SLC19A2: variants seen among roughly 807,000 people sequenced by gnomAD.
SLC19A2 encodes the protein thiamine transporter 1.
A neutral mutation model predicts 44.7 loss-of-function variants in SLC19A2; 27 were observed. The observed-to-expected ratio is 0.60, with a 90% confidence interval of 0.45 to 0.83. SLC19A2 has a LOEUF of 0.83. SLC19A2 is among the 40% of genes least tolerant of loss of function. The pLI is 0.00. For synonymous variants in SLC19A2, 239 were observed against 243.6 expected (o/e 0.98, Z 0.18); for missense variants, 566 against 613.7 (o/e 0.92, Z 0.82).
intron 2 of SLC19A2, among the ~76,000 whole-genome samples, chr1:169,471,705 TAC>T (rs1259926861): frequency 0.13 from 18,603 of 143,916 alleles, 1,310 homozygotes; most frequent in African/African-American, 0.17. Flanking sequence ...TGTGTATATA[TAC>T]ACACACACCA....
At chr1:169,474,819 G>A (rs1481052845) in intron 2 of SLC19A2, among the ~76,000 whole-genome samples, 2 of 152,054 alleles carry the variant, frequency 1.3e-5, no homozygotes, top group Non-Finnish European at 2.9e-5. Context: ...AAGCAGCACT[G>A]CCCATCTGCT....
chr1:169,473,391 C>G (rs1038562053), intron 2 of SLC19A2, among the ~76,000 whole-genome samples: 1 of 149,026 alleles, frequency 6.7e-6, no homozygotes, highest in Admixed American at 6.8e-5. Context: ...TGCACCACCA[C>G]GCCCAGCTAG....
At chr1:169,473,294 G>T (rs574430305) in intron 2 of SLC19A2, among the ~76,000 whole-genome samples, 2 of 151,924 alleles carry the variant, frequency 1.3e-5, no homozygotes, top group Non-Finnish European at 2.9e-5. Context: ...GAGTACAGTG[G>T]CACTATCTCA....
intron 2 of SLC19A2, among the ~76,000 whole-genome samples, chr1:169,470,406 T>C (rs1658142786): frequency 6.6e-6 from 1 of 152,212 alleles, no homozygotes; most frequent in Non-Finnish European, 1.5e-5. Flanking sequence ...CAGCTGTATG[T>C]AATCAACCCA....
intron 2 of SLC19A2, among the ~76,000 whole-genome samples, chr1:169,473,197 G>A (rs1012424718): frequency 1.3e-5 from 2 of 151,998 alleles, no homozygotes; most frequent in Admixed American, 1.3e-4. Flanking sequence ...TTCTACTGTA[G>A]TGGTGGTTTT....
At chr1:169,481,296 C>G (rs907626762) in intron 1 of SLC19A2, among the ~76,000 whole-genome samples, 1 of 152,182 alleles carries the variant, frequency 6.6e-6, no homozygotes, top group Non-Finnish European at 1.5e-5. Flanking sequence ...TGAATTGTCC[C>G]AAGTTATCAC....
At position 169,480,334 on chromosome 1, in the gene SLC19A2, C is replaced by T. The variant is rs534442335; in HGVS notation, c.205-2577G>A. On this transcript the variant is annotated intron_variant, in intron 1 of 5. Transcript: ENST00000236137. ...TGTCAGCTTTCTTTTTTTTTTGAGA[C>T]GGAGTTTCACTCTTGTCACCCAGGC... Among the ~76,000 whole-genome samples, 35 of 151,406 alleles carry T rather than the reference C, an allele frequency of 2.3e-4. 1 individual carries two copies. The highest frequency in any genetic ancestry group is 6.3e-4 in the South Asian group (3 of 4,800).
At position 169,464,970 on chromosome 1, in the gene SLC19A2, G is replaced by C. The variant is rs1001321069; in HGVS notation, c.*879C>G. 3.9e-5 allele frequency: 6 copies of C among 152,224 alleles called. No individual in the cohort carries two copies. Among genetic ancestry groups the C allele is most frequent in the African/African-American group, 1.4e-4 (6 of 41,406 alleles). The allele number at this position is 152,224 out of a possible 1,614,324, so 9.4% of individuals were successfully genotyped here. A position where few individuals can be genotyped will look rare whatever the true frequency, so the allele number is the denominator to read the frequency against. On this transcript the variant is annotated 3_prime_UTR_variant, in exon 6 of 6. Coordinates refer to ENST00000236137, the MANE Select transcript of SLC19A2 (RefSeq NM_006996.3). ...TTTCATTTTATTTTGGAAATAAAAG[G>C]GAATACAAATACAAATGGCCTAGTT...
chr1:169,467,251 C>T (rs577817330), intron 5 of SLC19A2, among the ~76,000 whole-genome samples: 1 of 152,282 alleles, frequency 6.6e-6, no homozygotes, highest in South Asian at 2.1e-4. Flanking sequence ...AGCTCTGGAA[C>T]ACTACTAGTG....
At position 169,485,620 on chromosome 1, in the gene SLC19A2, G is replaced by T; in HGVS notation, c.147C>A (p.Ser49=). Reference sequence around the variant, plus strand: ...GCAGGTACGGGGTCAGGAAGGGCTCGGACGGCCTGAGGCTGGCGAAGAAGC... The same window carrying T: ...GCAGGTACGGGGTCAGGAAGGGCTCTGACGGCCTGAGGCTGGCGAAGAAGC... ...AYGFFASLRP[S]EPFLTPYLLG... The change falls in exon 1 of 6, where the codon TCC becomes TCA. Residue 49 remains serine, a synonymous_variant. Transcript: ENST00000236137. The T allele has an allele frequency of 2.5e-6, 4 of 1,572,286 alleles. No homozygotes were observed. Among genetic ancestry groups the T allele is most frequent in the Non-Finnish European group, 3.5e-6 (4 of 1,158,820 alleles).
rs775087629 is a variant in SLC19A2, at chr1:169,477,246, G to A, written c.716C>T (p.Thr239Ile). ...AAGGTGGTTAGAAGCTGGGGTGTCA[G>A]TAACAATGCCACCATTTTGTACCTT... is the stretch of plus-strand genomic sequence containing the variant. ...GIKVQNGGIV[T>I]DTPASNHLPG... The change falls in exon 2 of 6, where the codon ACT becomes ATT. Residue 239 changes from threonine to isoleucine, a missense_variant. Transcript: ENST00000236137. 1 of 1,614,024 alleles carries A rather than the reference G, an allele frequency of 6.2e-7. No homozygotes were observed. Among genetic ancestry groups the A allele is most frequent in the African/African-American group, 1.3e-5 (1 of 74,922 alleles).
At chr1:169,467,161 G>A (rs1159170552) in intron 5 of SLC19A2, among the ~76,000 whole-genome samples, 1 of 152,132 alleles carries the variant, frequency 6.6e-6, no homozygotes, top group Non-Finnish European at 1.5e-5. Context: ...CCTTATACAG[G>A]GAGGATGGCA....
intron 2 of SLC19A2, among the ~76,000 whole-genome samples, chr1:169,476,731 T>TAAG (rs953955915): frequency 6.6e-6 from 1 of 151,774 alleles, no homozygotes; most frequent in Non-Finnish European, 1.5e-5. Flanking sequence ...AAAATAATAA[T>TAAG]AATAATAATA....
chr1:169,471,675 C>CTGTGTGTGTGT (rs142118478), intron 2 of SLC19A2, among the ~76,000 whole-genome samples: 1 of 131,900 alleles, frequency 7.6e-6, no homozygotes, highest in African/African-American at 2.9e-5. Flanking sequence ...AAAAAACAAA[C>CTGTGTGTGTGT]GTGTGTGTGT....
At chr1:169,469,097 TA>T in intron 3 of SLC19A2, 1 of 446,348 alleles carries the variant, frequency 2.2e-6, no homozygotes, top group Non-Finnish European at 4.0e-6. Context: ...GGGACATTGC[TA>T]AGGAAAAAAA....
In SLC19A2 at chr1:169,470,191, A is replaced by G. The variant is rs758642470; in HGVS notation, c.808-5T>C. 4 of 1,612,592 alleles carry G rather than the reference A, an allele frequency of 2.5e-6. No individual in the cohort carries two copies. Among genetic ancestry groups the G allele is most frequent in the Non-Finnish European group, 3.4e-6 (4 of 1,178,712 alleles). ...GAGACGGTCTGGCTTGGGTTCCTAC[A>G]TAGCAAAAGGGAACAATGCTCAAAC... On this transcript the variant is annotated splice_polypyrimidine_tract_variant and splice_region_variant and intron_variant, in intron 2 of 5. Transcript: ENST00000236137.
In SLC19A2 at chr1:169,477,464, C is replaced by G. The variant is rs142264897; in HGVS notation, c.498G>C (p.Leu166Phe). 6.2e-7 allele frequency: 1 copy of G among 1,614,006 alleles called. No individual in the cohort carries two copies. Among genetic ancestry groups the G allele is most frequent in the African/African-American group, 1.3e-5 (1 of 74,880 alleles). The change falls in exon 2 of 6, where the codon TTG (leucine) becomes TTC (phenylalanine). Residue 166 changes from leucine (L) to phenylalanine (F), a missense_variant. Physicochemically the swap from Leu to Phe is conservative, Grantham distance 22 (BLOSUM62 0). Coordinates refer to ENST00000236137, the MANE Select transcript of SLC19A2 (RefSeq NM_006996.3). ...GGACAGAGCCCACTGTAAAGCCCACCAAAGTGGCACTTCGACAGTAACTTG... is the reference window on the plus strand; with the variant it reads ...GGACAGAGCCCACTGTAAAGCCCACGAAAGTGGCACTTCGACAGTAACTTG... ...KVTSYCRSAT[L>F]VGFTVGSVLG...
rs776444312 is a variant in SLC19A2 at position 169,485,719 on chromosome 1, GGCC to G, written c.45_47del (p.Ala16del). ...CCCGAGCGGTCCGCAGGAGCACAGTGGCCGCCGCCGCCGCCGCCCGCCGAGACA... is the reference window on the plus strand; with the variant it reads ...CCCGAGCGGTCCGCAGGAGCACAGTGGCCGCCGCCGCCGCCCGCCGAGACA... On this transcript the variant is annotated inframe_deletion, in exon 1 of 6. Coordinates refer to ENST00000236137, the MANE Select transcript of SLC19A2 (RefSeq NM_006996.3). 24 of 1,536,798 alleles carry G rather than the reference GGCC, an allele frequency of 1.6e-5. No homozygotes were observed. The highest frequency in any genetic ancestry group is 5.9e-5 in the Admixed American group (3 of 50,804).
At chr1:169,483,988 G>T (rs1658497790) in intron 1 of SLC19A2, among the ~76,000 whole-genome samples, 1 of 152,070 alleles carries the variant, frequency 6.6e-6, no homozygotes, top group African/African-American at 2.4e-5. Context: ...TGACATTATT[G>T]CTTTAAATCA....
Sources: allele counts gnomAD v4.1 joint callset (sites outside exome capture counted in the v4.1 genomes callset), GRCh38; gene constraint gnomAD v4.1.1; transcripts MANE v1.5; gene names NCBI Gene and HGNC (gene_info 2026-07-23, HGNC 2026-07-21).